SPPL3: variants seen among roughly 807,000 people sequenced by gnomAD.
SPPL3 encodes the protein signal peptide peptidase-like 3.
In SPPL3, 5 loss-of-function variants were observed where a neutral mutation model predicts 42.4. The ratio of observed to expected loss-of-function variants is 0.12; its 90% CI spans 0.06 to 0.25. The LOEUF is 0.25. SPPL3 is among the 10% of genes least tolerant of loss of function. The probability of loss-of-function intolerance (pLI) is 1.00; values close to 1 mark genes in which losing one functional copy is unlikely to be tolerated. For missense variants in SPPL3, 235 were observed against 489.0 expected, an observed-to-expected ratio of 0.48 and a Z score of 4.90; for synonymous variants, 195 against 181.8, an observed-to-expected ratio of 1.07 and a Z score of -0.58.
At chr12:120,815,564 A>G (rs1011427732) in intron 1 of SPPL3, among the ~76,000 whole-genome samples, 1 of 152,120 alleles carries the variant, frequency 6.6e-6, no homozygotes, top group Admixed American at 6.5e-5. Flanking sequence ...ATTTTGAAGC[A>G]TATTGTCACT....
At chr12:120,855,444 T>C (rs1029980435) in intron 1 of SPPL3, among the ~76,000 whole-genome samples, 1 of 152,050 alleles carries the variant, frequency 6.6e-6, no homozygotes, top group Non-Finnish European at 1.5e-5. Flanking sequence ...TCCTAGCACT[T>C]TGGGAGGCCG....
At chr12:120,770,334 C>CT (rs1335779301) in intron 6 of SPPL3, among the ~76,000 whole-genome samples, 1 of 152,140 alleles carries the variant, frequency 6.6e-6, no homozygotes, top group East Asian at 1.9e-4. Context: ...GCCTAAAGTC[C>CT]TTTTTTTAAT....
chr12:120,812,956 A>C (rs1390412959), intron 1 of SPPL3, among the ~76,000 whole-genome samples: 1 of 152,228 alleles, frequency 6.6e-6, no homozygotes, highest in Non-Finnish European at 1.5e-5. Flanking sequence ...TGCTGCTGAG[A>C]GGTCAAGAAA....
chr12:120,789,493 A>G (rs1199370449), intron 3 of SPPL3, among the ~76,000 whole-genome samples: 1 of 149,838 alleles, frequency 6.7e-6, no homozygotes, highest in Non-Finnish European at 1.5e-5. Context: ...GAAGTATTCT[A>G]CCACTCTTTA....
At chr12:120,840,370 G>C (rs1871778789) in intron 1 of SPPL3, among the ~76,000 whole-genome samples, 1 of 148,620 alleles carries the variant, frequency 6.7e-6, no homozygotes, top group Non-Finnish European at 1.5e-5. Context: ...AGTGAAAGAA[G>C]TCAGACACAA....
chr12:120,791,604 G>T lies in SPPL3; in HGVS notation c.102-47C>A, dbSNP rs753159572. On this transcript the variant is annotated intron_variant, in intron 2 of 10. Transcript: ENST00000353487. ...TTAAGTTGTAGTTTTGCTTACAAAA[G>T]AAGGTCAGAAAAGTCATATGACAAT... is the stretch of plus-strand genomic sequence containing the variant. 17 of 1,311,892 alleles carry T rather than the reference G, an allele frequency of 1.3e-5. No individual in the cohort carries two copies. The Admixed American group carries it at 3.4e-4, about 26-fold the overall frequency. 81.3% of individuals were successfully genotyped at this position (1,311,892 alleles called of 1,614,324 possible). A position where few individuals can be genotyped will look rare whatever the true frequency, so the allele number is the denominator to read the frequency against.
chr12:120,792,479 A>C (rs1869950837), intron 2 of SPPL3, among the ~76,000 whole-genome samples: 1 of 152,096 alleles, frequency 6.6e-6, no homozygotes, highest in East Asian at 1.9e-4. Flanking sequence ...AGGCGGGCAG[A>C]TCACGAGGTC....
intron 1 of SPPL3, among the ~76,000 whole-genome samples, chr12:120,837,486 G>A (rs1464677952): frequency 6.6e-6 from 1 of 152,122 alleles, no homozygotes; most frequent in African/African-American, 2.4e-5. Flanking sequence ...AGTTCTTCCT[G>A]AATCCAAATT....
At chr12:120,790,815 C>CT (rs1360557085) in intron 3 of SPPL3, among the ~76,000 whole-genome samples, 3 of 143,580 alleles carry the variant, frequency 2.1e-5, no homozygotes, top group Non-Finnish European at 3.0e-5. Context: ...TTTGCCCTCT[C>CT]TATCTTGGCA....
In SPPL3 at chr12:120,846,914, C is replaced by T. The variant is rs112816401; in HGVS notation, c.24-36028G>A. 2.5e-3 allele frequency among the ~76,000 whole-genome samples: 383 copies of T among 152,178 alleles called. 2 individuals carry two copies. The highest frequency in any genetic ancestry group is 8.8e-3 in the African/African-American group (366 of 41,514). ...GGGAGTGTGGAGGTTTCTTTCAGGCCCTCATCTGGGTGTTTATATTGTGAC... is the reference window on the plus strand; with the variant it reads ...GGGAGTGTGGAGGTTTCTTTCAGGCTCTCATCTGGGTGTTTATATTGTGAC... On this transcript the variant is annotated intron_variant, in intron 1 of 10. Coordinates refer to ENST00000353487, the MANE Select transcript of SPPL3 (RefSeq NM_139015.5).
chr12:120,788,380 C>T (rs1869793874), intron 3 of SPPL3, among the ~76,000 whole-genome samples: 2 of 152,104 alleles, frequency 1.3e-5, no homozygotes, highest in Admixed American at 1.3e-4. Flanking sequence ...GTAATAATTA[C>T]CCAGTCTTTT....
At chr12:120,767,221 G>A (rs1475785059) in intron 9 of SPPL3, among the ~76,000 whole-genome samples, 173 bp downstream of exon 9, 1 of 152,150 alleles carries the variant, frequency 6.6e-6, no homozygotes, top group Non-Finnish European at 1.5e-5. Flanking sequence ...GAGGGAACTG[G>A]CCTATCCAGT....
chr12:120,870,673 T>G (rs1725935244), intron 1 of SPPL3, among the ~76,000 whole-genome samples: 1 of 152,092 alleles, frequency 6.6e-6, no homozygotes, highest in South Asian at 2.1e-4. Context: ...ATTCTTAAAT[T>G]CTGATACATG....
In SPPL3 at chr12:120,887,863, GTGT is replaced by G. The variant is rs538980451; in HGVS notation, c.23+15979_23+15981del. Among the ~76,000 whole-genome samples, 1,090 of 152,278 alleles carry G rather than the reference GTGT, an allele frequency of 7.2e-3. 27 individuals are homozygous for G. Among genetic ancestry groups the G allele is most frequent in the Non-Finnish European group, 6.2e-3 (424 of 68,030 alleles). On this transcript the variant is annotated intron_variant, in intron 1 of 10. Coordinates refer to ENST00000353487, the MANE Select transcript of SPPL3 (RefSeq NM_139015.5). ...GCTATAATTTAAAAGACAATAACAAGTGTTGGTGAAGACGTGGAGAAATTAGAA... is the reference window on the plus strand; with the variant it reads ...GCTATAATTTAAAAGACAATAACAAGTGGTGAAGACGTGGAGAAATTAGAA...
chr12:120,864,231 C>T (rs1367519628), intron 1 of SPPL3, among the ~76,000 whole-genome samples: 7 of 152,126 alleles, frequency 4.6e-5, no homozygotes, highest in African/African-American at 1.7e-4. Context: ...TCACAGAAGT[C>T]TTTAAATACT....
chr12:120,884,595 A>G (rs1015543901), intron 1 of SPPL3, among the ~76,000 whole-genome samples: 4 of 149,438 alleles, frequency 2.7e-5, no homozygotes, highest in African/African-American at 9.8e-5. Context: ...GATTTTTTTT[A>G]AACCTGAAAG....
chr12:120,850,381 G>A lies in SPPL3; in HGVS notation c.24-39495C>T, dbSNP rs538556732. On this transcript the variant is annotated intron_variant, in intron 1 of 10. Transcript: ENST00000353487. The stretch of plus-strand genomic sequence containing the variant: ...CACAGAAGTTTATGCCGCATTGTAA[G>A]GAAGTCTAAAAGGCCAAATGAATGC... 1.3e-3 allele frequency among the ~76,000 whole-genome samples: 196 copies of A among 151,622 alleles called. 1 individual carries two copies. Among genetic ancestry groups the A allele is most frequent in the Non-Finnish European group, 9.0e-4 (61 of 67,936 alleles).
intron 1 of SPPL3, chr12:120,901,993 A>C: frequency 3.9e-5 from 36 of 918,372 alleles, no homozygotes; most frequent in South Asian, 1.0e-4. Context: ...TAGGACTCTC[A>C]GGGCCACAGC....
At chr12:120,861,406 C>A (rs1397832999) in intron 1 of SPPL3, among the ~76,000 whole-genome samples, 1 of 152,102 alleles carries the variant, frequency 6.6e-6, no homozygotes, top group Non-Finnish European at 1.5e-5. Flanking sequence ...AAGGACAGAT[C>A]CTTGAAAAGG....
Sources: allele counts gnomAD v4.1 joint callset (sites outside exome capture counted in the v4.1 genomes callset), GRCh38; gene constraint gnomAD v4.1.1; transcripts MANE v1.5; gene names NCBI Gene and HGNC (gene_info 2026-07-23, HGNC 2026-07-21).